ROBO1: variants seen among roughly 807,000 people sequenced by gnomAD.
ROBO1 encodes the protein roundabout homolog 1.
Under a neutral mutation model 195.9 loss-of-function variants are expected in ROBO1, and 149 were observed. That is an observed-to-expected ratio of 0.76 (90% CI 0.67 to 0.87). The LOEUF is 0.87. ROBO1 is among the 40% of genes least tolerant of loss of function. The pLI is 0.00. For missense variants in ROBO1, 1,933 were observed against 2,068.3 expected (o/e 0.93, Z 1.27); for synonymous variants, 816 against 733.2 (o/e 1.11, Z -1.82).
At chr3:79,406,439 A>C (rs1270062653) in intron 2 of ROBO1, among the ~76,000 whole-genome samples, 1 of 151,840 alleles carries the variant, frequency 6.6e-6, no homozygotes, top group Non-Finnish European at 1.5e-5. Flanking sequence ...TCAAAAAAAG[A>C]TAATAATAAT....
intron 2 of ROBO1, among the ~76,000 whole-genome samples, chr3:79,342,645 A>G (rs977738955): frequency 1.3e-5 from 2 of 152,158 alleles, no homozygotes; most frequent in African/African-American, 2.4e-5. Flanking sequence ...TATAATGACT[A>G]TATCTTGGAG....
At chr3:78,655,240 A>G (rs904752797) in intron 18 of ROBO1, among the ~76,000 whole-genome samples, 2 of 152,168 alleles carry the variant, frequency 1.3e-5, no homozygotes, top group Admixed American at 1.3e-4. Flanking sequence ...TATGATAGAG[A>G]CAGCAAGTTT....
At chr3:78,774,315 G>GTT (rs780313619) in intron 4 of ROBO1, among the ~76,000 whole-genome samples, 4 of 146,406 alleles carry the variant, frequency 2.7e-5, no homozygotes, top group Admixed American at 6.8e-5. Flanking sequence ...TTTGCTAAAA[G>GTT]TTTTTTTTTT....
chr3:79,707,559 A>T (rs952057254), intron 1 of ROBO1, among the ~76,000 whole-genome samples: 1 of 152,182 alleles, frequency 6.6e-6, no homozygotes, highest in Non-Finnish European at 1.5e-5. Flanking sequence ...CCCAGGCTAG[A>T]GTGCAGTGGT....
intron 4 of ROBO1, among the ~76,000 whole-genome samples, chr3:78,756,195 T>C (rs1475471700): frequency 6.6e-6 from 1 of 152,076 alleles, no homozygotes; most frequent in Non-Finnish European, 1.5e-5. Flanking sequence ...CACCAAATTA[T>C]GGTAAAAACA....
Position 79,648,755 on chromosome 3 carries a change from G to T in ROBO1, c.-50-58794C>A, listed in dbSNP as rs72892191. 6.7e-3 allele frequency among the ~76,000 whole-genome samples: 1,012 copies of T among 152,010 alleles called. 9 individuals carry two copies. The highest frequency in any genetic ancestry group is 0.023 in the African/African-American group (943 of 41,494). The stretch of plus-strand genomic sequence containing the variant: ...AATCTAAATAAGTACATATCAAAAA[G>T]CATGGTAGTAAAACTGCAGAGGACT... On this transcript the variant is annotated intron_variant, in intron 1 of 30. Transcript: ENST00000464233.
intron 1 of ROBO1, among the ~76,000 whole-genome samples, chr3:79,678,028 A>T (rs992217942): frequency 2.0e-4 from 31 of 152,162 alleles, no homozygotes; most frequent in African/African-American, 7.5e-4. Flanking sequence ...ACATATTCAT[A>T]TTAAGAATTC....
At chr3:78,939,266 T>G (rs2039990268) in intron 3 of ROBO1, among the ~76,000 whole-genome samples, 1 of 152,112 alleles carries the variant, frequency 6.6e-6, no homozygotes, top group Admixed American at 6.5e-5. Context: ...TTATTACAAA[T>G]AATGGCACGG....
At position 79,111,575 on chromosome 3, in the gene ROBO1, T is replaced by G. The variant is rs1275529297; in HGVS notation, c.172+13881A>C. ...CATTACCTTTAGAGCAAAGATCATA[T>G]TCATTTCCCAACACGTCACAGCTGT... is the stretch of plus-strand genomic sequence containing the variant. On this transcript the variant is annotated intron_variant, in intron 3 of 30. Coordinates refer to ENST00000464233, the MANE Select transcript of ROBO1 (RefSeq NM_002941.4). Among the ~76,000 whole-genome samples, 4 of 152,120 alleles carry G rather than the reference T, an allele frequency of 2.6e-5. No individual in the cohort carries two copies. In the East Asian group the frequency reaches 5.8e-4, roughly 22 times the overall value.
chr3:79,090,821 A>G (rs1199123694), intron 3 of ROBO1, among the ~76,000 whole-genome samples: 1 of 152,190 alleles, frequency 6.6e-6, no homozygotes, highest in Non-Finnish European at 1.5e-5. Context: ...ATTGGGAGCC[A>G]TTTAACAAAA....
At chr3:78,978,972 G>A (rs1422099626) in intron 3 of ROBO1, among the ~76,000 whole-genome samples, 1 of 152,138 alleles carries the variant, frequency 6.6e-6, no homozygotes, top group Non-Finnish European at 1.5e-5. Flanking sequence ...TAATTATCAA[G>A]TACAGCTTGA....
intron 2 of ROBO1, among the ~76,000 whole-genome samples, chr3:79,284,629 A>G (rs2031768442): frequency 6.6e-6 from 1 of 152,200 alleles, no homozygotes; most frequent in Non-Finnish European, 1.5e-5. Context: ...GAAAAGGAGC[A>G]TTGAGAAAAG....
chr3:78,875,101 A>C (rs2035762319), intron 4 of ROBO1, among the ~76,000 whole-genome samples: 1 of 152,076 alleles, frequency 6.6e-6, no homozygotes, highest in African/African-American at 2.4e-5. Context: ...AAAATTAGAG[A>C]ATTCCAAAAC....
At chr3:79,187,771 T>C (rs187893390) in intron 2 of ROBO1, among the ~76,000 whole-genome samples, 15 of 152,118 alleles carry the variant, frequency 9.9e-5, no homozygotes, top group Non-Finnish European at 1.8e-4. Flanking sequence ...TAAAATTTCT[T>C]CCAGCATATT....
chr3:78,762,611 A>T (rs928802085), intron 4 of ROBO1, among the ~76,000 whole-genome samples: 6 of 152,016 alleles, frequency 3.9e-5, no homozygotes, highest in Admixed American at 1.3e-4. Flanking sequence ...TTTGTTCTCC[A>T]GGTCAGAACT....
chr3:78,967,688 A>T (rs573090852), intron 3 of ROBO1, among the ~76,000 whole-genome samples: 1 of 152,248 alleles, frequency 6.6e-6, no homozygotes, highest in East Asian at 1.9e-4. Context: ...AGTATTTTTT[A>T]ATTTTAAAAT....
At chr3:79,114,621 T>G (rs1233109778) in intron 3 of ROBO1, among the ~76,000 whole-genome samples, 2 of 152,220 alleles carry the variant, frequency 1.3e-5, no homozygotes, top group Non-Finnish European at 2.9e-5. Flanking sequence ...GGATAAGAGA[T>G]AAATCCCACA....
At position 78,600,208 on chromosome 3, in the gene ROBO1, G is replaced by C; in HGVS notation, c.4846C>G (p.Gln1616Glu). The C allele has an allele frequency of 6.2e-7, 1 of 1,613,410 alleles. No homozygotes were observed. The highest frequency in any genetic ancestry group is 8.5e-7 in the Non-Finnish European group (1 of 1,179,540). ...SMSSRGSGSRQREQANVGRRN... is the reference protein window; with the variant it reads ...SMSSRGSGSREREQANVGRRN... The stretch of plus-strand genomic sequence containing the variant: ...CGACCTACATTTGCTTGTTCTCTTT[G>C]TCTGCTTCCTGATCCTCTTGATGAC... Residue 1616 changes from glutamine (Q) to glutamate (E), a missense_variant, in exon 30 of 31, where the codon CAA (glutamine) becomes GAA (glutamate). Around this residue, in one of 3 missense-constraint regions of ROBO1, gnomAD observed 1,737 missense variants for 1,882.5 expected, o/e 0.92. Coordinates refer to ENST00000464233, the MANE Select transcript of ROBO1 (RefSeq NM_002941.4).
chr3:79,664,859 A>C (rs1946431372), intron 1 of ROBO1, among the ~76,000 whole-genome samples: 1 of 152,006 alleles, frequency 6.6e-6, no homozygotes, highest in Admixed American at 6.6e-5. Flanking sequence ...AAAGTAAAGG[A>C]GCCATGATAA....
Sources: allele counts gnomAD v4.1 joint callset (sites outside exome capture counted in the v4.1 genomes callset), GRCh38; gene constraint gnomAD v4.1.1; regional missense constraint gnomAD v4.1.1; transcripts MANE v1.5; gene names NCBI Gene and HGNC (gene_info 2026-07-23, HGNC 2026-07-21).